Variants in PGAP4 observed in about 807,000 individuals in gnomAD.
The protein encoded by PGAP4 is post-GPI attachment to proteins GalNAc transferase 4, also known as GPI-N-acetylgalactosamine transferase PGAP4.
In PGAP4, 12 loss-of-function variants were observed where a neutral mutation model predicts 28.2. The ratio of observed to expected loss-of-function variants is 0.42; its 90% CI spans 0.27 to 0.69. The LOEUF (loss-of-function observed/expected upper bound fraction) is 0.69, where lower values mean the gene tolerates loss of function less well. Among genes scored for constraint, PGAP4 ranks in the 30% least tolerant of loss-of-function variants. PGAP4 has a pLI of 0.22. For synonymous variants in PGAP4, 205 were observed against 211.8 expected (o/e 0.97, Z 0.28); for missense variants, 425 against 513.5 (o/e 0.83, Z 1.67).
rs182984113 is a variant in PGAP4, at chr9:101,495,450, T to C, written c.-164-6250A>G. On this transcript the variant is annotated intron_variant, in intron 2 of 3. Coordinates refer to the PGAP4 transcript ENST00000374851. ...CTTATATTTTATATATAATATATATTATATATACTTATATTTTATATATAA... is the reference window on the plus strand; with the variant it reads ...CTTATATTTTATATATAATATATATCATATATACTTATATTTTATATATAA... Among the ~76,000 whole-genome samples the C allele has an allele frequency of 8.2e-4, 110 of 133,862 alleles. 6 individuals are homozygous for C. The highest frequency in any genetic ancestry group is 3.0e-3 in the African/African-American group (106 of 35,384). 87.8% of individuals were successfully genotyped at this position (133,862 alleles called of 152,430 possible).
At chr9:101,496,441 TAGTA>T (rs955589779) in intron 2 of PGAP4, among the ~76,000 whole-genome samples, 30 of 151,522 alleles carry the variant, frequency 2.0e-4, no homozygotes, top group African/African-American at 7.0e-4. Context: ...CTTGTAATTT[TAGTA>T]AGAGCAAATT....
upstream of PGAP4, among the ~76,000 whole-genome samples, chr9:101,488,789 T>C (rs1826657840): frequency 6.6e-6 from 1 of 152,168 alleles, no homozygotes; most frequent in Non-Finnish European, 1.5e-5. Flanking sequence ...GCTCAGTACC[T>C]ACATGTGGTT....
chr9:101,496,241 A>G (rs1826746598), intron 2 of PGAP4, among the ~76,000 whole-genome samples: 1 of 149,800 alleles, frequency 6.7e-6, no homozygotes, highest in South Asian at 2.1e-4. Flanking sequence ...ACAGGAGTTG[A>G]CAAAGGTTGA....
chr9:101,502,315 G>A (rs1466177225), intron 2 of PGAP4, among the ~76,000 whole-genome samples: 2 of 152,032 alleles, frequency 1.3e-5, no homozygotes, highest in East Asian at 1.9e-4. Context: ...CCTCAGTGAC[G>A]TACTCTTTTG....
chr9:101,520,011 T>A (rs1201454923), intron 2 of PGAP4, among the ~76,000 whole-genome samples: 3 of 152,188 alleles, frequency 2.0e-5, no homozygotes, highest in African/African-American at 7.2e-5. Context: ...GTTTGCTTTG[T>A]TGAAGATAAG....
intron 1 of PGAP4, among the ~76,000 whole-genome samples, chr9:101,477,416 C>A (rs1304579477): frequency 6.6e-6 from 1 of 151,958 alleles, no homozygotes; most frequent in East Asian, 1.9e-4. Context: ...TGCATTCAAC[C>A]AAATCATCAC....
Position 101,476,375 on chromosome 9 carries a change from C to T in PGAP4, c.718G>A (p.Ala240Thr). ...GGGTGATACAGCTTGAGATAAAGGG[C>T]ATCTCTGAGATGTGGCTCAGAGAAG... The part of the protein sequence containing the change: ...ARFSEPHLRD[A>T]LYLKLYHPER... The change falls in exon 2 of 2, where the codon GCC becomes ACC. Residue 240 changes from alanine (A) to threonine (T), a missense_variant. Physicochemically the swap from Ala to Thr is moderately conservative, Grantham distance 58. Coordinates refer to ENST00000374848, the MANE Select transcript of PGAP4 (RefSeq NM_032342.3). This position sits in a 1 kb window ranked among gnomAD's most constrained non-coding sequence, Gnocchi z 7.0. 1 of 1,614,050 alleles carries T rather than the reference C, an allele frequency of 6.2e-7. No homozygotes were observed. The highest frequency in any genetic ancestry group is 1.3e-5 in the African/African-American group (1 of 75,012).
upstream of PGAP4, among the ~76,000 whole-genome samples, chr9:101,490,090 T>G (rs904496713): frequency 1.8e-4 from 28 of 152,252 alleles, no homozygotes; most frequent in African/African-American, 6.7e-4. Flanking sequence ...CATTGCACAT[T>G]CCCCTTTCTG....
intron 2 of PGAP4, among the ~76,000 whole-genome samples, chr9:101,496,168 C>T (rs1277848695): frequency 6.6e-6 from 1 of 151,294 alleles, no homozygotes; most frequent in African/African-American, 2.4e-5. Context: ...TTTTTTAGAA[C>T]TTTATGACAA....
chr9:101,494,672 T>C (rs1195678062), intron 2 of PGAP4, among the ~76,000 whole-genome samples: 1 of 151,802 alleles, frequency 6.6e-6, no homozygotes, highest in Non-Finnish European at 1.5e-5. Context: ...AATTCATTGC[T>C]TTTCCATGAA....
chr9:101,491,610 T>A (rs1340733408), upstream of PGAP4, among the ~76,000 whole-genome samples: 2 of 151,964 alleles, frequency 1.3e-5, no homozygotes, highest in African/African-American at 2.4e-5. Context: ...CAATTTTTCC[T>A]TGTAATTTAT....
intron 2 of PGAP4, among the ~76,000 whole-genome samples, chr9:101,527,498 A>T (rs1827045867): frequency 6.6e-6 from 1 of 152,186 alleles, no homozygotes; most frequent in Admixed American, 6.5e-5. Context: ...TCCTAGAATA[A>T]TTTAAAAGAA....
At chr9:101,481,905 G>A (rs58227299) in intron 1 of PGAP4, among the ~76,000 whole-genome samples, 24,086 of 151,866 alleles carry the variant, frequency 0.16, 2,559 homozygotes, top group African/African-American at 0.29. Flanking sequence ...CTTTTATTAT[G>A]CCTCTCTTTT....
At chr9:101,492,432 T>C (rs1315522733) in intron 2 of PGAP4, among the ~76,000 whole-genome samples, 1 of 152,198 alleles carries the variant, frequency 6.6e-6, no homozygotes, top group African/African-American at 2.4e-5. Context: ...GACCTCGTGA[T>C]CCGCCCGCCC....
chr9:101,483,953 T>C (rs963179129), intron 1 of PGAP4, among the ~76,000 whole-genome samples: 1 of 152,184 alleles, frequency 6.6e-6, no homozygotes, highest in Non-Finnish European at 1.5e-5. Flanking sequence ...ACATCTGAAT[T>C]TAATTTACTT....
intron 2 of PGAP4, among the ~76,000 whole-genome samples, chr9:101,529,153 CTTT>C (rs36069212): frequency 7.7e-6 from 1 of 130,502 alleles, no homozygotes. Context: ...TGTCTCTCGG[CTTT>C]TTTTTTTTTT....
At chr9:101,504,209 G>GTTTTTTTTTTTT (rs3081858) in intron 2 of PGAP4, among the ~76,000 whole-genome samples, 33 of 22,710 alleles carry the variant, frequency 1.5e-3, no homozygotes, top group South Asian at 1.9e-3. Flanking sequence ...GTGTGTGTTT[G>GTTTTTTTTTTTT]TTTTTTTTTT....
intron 2 of PGAP4, among the ~76,000 whole-genome samples, chr9:101,523,787 T>C (rs1827009570): frequency 6.6e-6 from 1 of 151,958 alleles, no homozygotes; most frequent in Non-Finnish European, 1.5e-5. Context: ...ACTAGTGTGA[T>C]TTTTTGGGGG....
chr9:101,507,013 T>C (rs1266644138), intron 2 of PGAP4, among the ~76,000 whole-genome samples: 1 of 152,112 alleles, frequency 6.6e-6, no homozygotes, highest in African/African-American at 2.4e-5. Context: ...TTTACAGTGG[T>C]ATACCTATGA....
Sources: allele counts gnomAD v4.1 joint callset (sites outside exome capture counted in the v4.1 genomes callset), GRCh38; gene constraint gnomAD v4.1.1; non-coding constraint Gnocchi (gnomAD v3.1); transcripts MANE v1.5; gene names NCBI Gene and HGNC (gene_info 2026-07-23, HGNC 2026-07-21).